Variants in ZFHX3 observed in about 807,000 individuals in gnomAD.
The protein encoded by ZFHX3 is zinc finger homeobox 3.
A neutral mutation model predicts 279.1 loss-of-function variants in ZFHX3; 42 were observed. The observed-to-expected ratio is 0.15, with a 90% confidence interval of 0.12 to 0.19. The LOEUF is 0.19. ZFHX3 is among the 10% of genes least tolerant of loss of function. The probability of loss-of-function intolerance (pLI) is 1.00; values close to 1 mark genes in which losing one functional copy is unlikely to be tolerated. For missense variants in ZFHX3, 4,981 were observed against 4,754.0 expected (o/e 1.05, Z -1.40); for synonymous variants, 2,293 against 1,957.8 (o/e 1.17, Z -4.52).
At chr16:73,454,725 G>C (rs2018342323) in intron 3 of ZFHX3, among the ~76,000 whole-genome samples, 1 of 152,092 alleles carries the variant, frequency 6.6e-6, no homozygotes, top group Non-Finnish European at 1.5e-5. Flanking sequence ...AAGAGTGTGT[G>C]TGGCTCAGGG....
At chr16:72,918,394 C>A (rs2039495763) in intron 3 of ZFHX3, among the ~76,000 whole-genome samples, 1 of 152,134 alleles carries the variant, frequency 6.6e-6, no homozygotes, top group Non-Finnish European at 1.5e-5. Context: ...TAATACTACG[C>A]AGCTATTAAA....
At chr16:72,980,009 T>G (rs571337443) in intron 1 of ZFHX3, among the ~76,000 whole-genome samples, 80 of 152,348 alleles carry the variant, frequency 5.3e-4, no homozygotes, top group African/African-American at 1.8e-3. Context: ...TAGGTGCAAG[T>G]AGGGCGTGCA....
intron 2 of ZFHX3, among the ~76,000 whole-genome samples, chr16:73,473,871 G>A (rs771653316): frequency 1.3e-5 from 2 of 152,120 alleles, no homozygotes; most frequent in Non-Finnish European, 2.9e-5. Context: ...TCTGAAGATC[G>A]CAAGATATTT....
intron 5 of ZFHX3, among the ~76,000 whole-genome samples, chr16:73,216,396 C>T (rs1283038821): frequency 1.3e-5 from 2 of 152,220 alleles, no homozygotes; most frequent in African/African-American, 4.8e-5. Flanking sequence ...TGGTTCCCGT[C>T]CTCTGGGTTT....
chr16:73,453,619 C>T (rs1312768192), intron 3 of ZFHX3, among the ~76,000 whole-genome samples: 5 of 152,190 alleles, frequency 3.3e-5, no homozygotes, highest in Non-Finnish European at 1.5e-5. Flanking sequence ...GACAGTCCAG[C>T]CCCGTGGATT....
intron 1 of ZFHX3, among the ~76,000 whole-genome samples, chr16:73,731,080 CTT>C (rs2053566342): frequency 1.3e-5 from 2 of 152,184 alleles, no homozygotes; most frequent in South Asian, 4.1e-4. Context: ...CTAGATTAAA[CTT>C]GCGATTGTCA....
intron 2 of ZFHX3, among the ~76,000 whole-genome samples, chr16:72,953,455 T>G (rs1441400670): frequency 6.6e-6 from 1 of 152,170 alleles, no homozygotes; most frequent in Non-Finnish European, 1.5e-5. Context: ...ACCTGAAGCA[T>G]CAAATCGTCT....
At chr16:73,204,114 C>T (rs930657619) in intron 5 of ZFHX3, among the ~76,000 whole-genome samples, 1 of 151,868 alleles carries the variant, frequency 6.6e-6, no homozygotes, top group Non-Finnish European at 1.5e-5. Flanking sequence ...AGGTGGTTTT[C>T]TCCACTGCAG....
At chr16:73,594,483 A>T (rs2052028746) in intron 2 of ZFHX3, among the ~76,000 whole-genome samples, 1 of 152,240 alleles carries the variant, frequency 6.6e-6, no homozygotes, top group Admixed American at 6.5e-5. Context: ...AGAGTAATTA[A>T]GATAGAATTA....
In ZFHX3 at chr16:73,764,214, C is replaced by A. The variant is rs552754093; in HGVS notation, c.-1607-83974G>T. Among the ~76,000 whole-genome samples, 4 of 152,320 alleles carry A rather than the reference C, an allele frequency of 2.6e-5. No individual in the cohort carries two copies. The South Asian group carries it at 8.3e-4, about 32-fold the overall frequency. ...TACAGAGCTCTTTGGAAGCAAATTT[C>A]CAATCCCTGCTCACTTCTTGCCCCC... On this transcript the variant is annotated intron_variant, in intron 1 of 17. Coordinates refer to the ZFHX3 transcript ENST00000641206.
intron 2 of ZFHX3, among the ~76,000 whole-genome samples, chr16:73,605,960 G>A (rs375398535): frequency 1.3e-5 from 2 of 151,612 alleles, no homozygotes; most frequent in Non-Finnish European, 1.5e-5. Flanking sequence ...CGAGGCGGGC[G>A]GATCACGAGG....
chr16:73,855,328 G>A (rs1359387480), intron 1 of ZFHX3, among the ~76,000 whole-genome samples: 2 of 147,380 alleles, frequency 1.4e-5, no homozygotes, highest in Non-Finnish European at 3.0e-5. Context: ...GCATTGAAAT[G>A]GGCCAGATCC....
chr16:73,723,269 A>T (rs1222114665), intron 1 of ZFHX3, among the ~76,000 whole-genome samples: 2 of 152,168 alleles, frequency 1.3e-5, no homozygotes, highest in African/African-American at 2.4e-5. Context: ...GATCTTGGGA[A>T]GTACTAAAAA....
At chr16:72,883,643 T>G (rs1285594986) in intron 4 of ZFHX3, among the ~76,000 whole-genome samples, 1 of 152,258 alleles carries the variant, frequency 6.6e-6, no homozygotes, top group Non-Finnish European at 1.5e-5. Flanking sequence ...TAATGACCTC[T>G]CTTTACCCTT....
chr16:72,843,661 T>C (rs2037406361), intron 4 of ZFHX3, among the ~76,000 whole-genome samples: 1 of 151,448 alleles, frequency 6.6e-6, no homozygotes, highest in African/African-American at 2.4e-5. Flanking sequence ...CCATGGGCAG[T>C]GTGGGCGGTG....
At chr16:73,760,466 G>C (rs2201195) in intron 1 of ZFHX3, among the ~76,000 whole-genome samples, 72,438 of 150,000 alleles carry the variant, frequency 0.48, 17,696 homozygotes, top group Non-Finnish European at 0.53. Context: ...GATACCAAAA[G>C]CTGGCAGCAT....
In ZFHX3 at chr16:73,434,440, C is replaced by A. The variant is rs546211578; in HGVS notation, c.-1291+21563G>T. ...TGGAAACAGGCTAGGGCTACCCTGC[C>A]CCAGTTATCTGCTTCATTTAAAAAC... On this transcript the variant is annotated intron_variant, in intron 3 of 17. Transcript: ENST00000641206. Among the ~76,000 whole-genome samples the A allele has an allele frequency of 1.1e-4, 16 of 152,212 alleles. No individual in the cohort carries two copies. The East Asian group carries it at 2.1e-3, about 20-fold the overall frequency.
intron 5 of ZFHX3, among the ~76,000 whole-genome samples, chr16:73,247,505 G>C (rs1325782321): frequency 6.6e-6 from 1 of 151,128 alleles, no homozygotes; most frequent in African/African-American, 2.4e-5. Context: ...TGTATGTGGA[G>C]TGTGTGTGTT....
chr16:73,802,326 G>A (rs1188421990), intron 1 of ZFHX3, among the ~76,000 whole-genome samples: 2 of 152,318 alleles, frequency 1.3e-5, no homozygotes, highest in Non-Finnish European at 2.9e-5. Context: ...GGAAGGGAGG[G>A]GCCAGTGAGC....
Sources: allele counts gnomAD v4.1 joint callset (sites outside exome capture counted in the v4.1 genomes callset), GRCh38; gene constraint gnomAD v4.1.1; transcripts MANE v1.5; gene names NCBI Gene and HGNC (gene_info 2026-07-23, HGNC 2026-07-21).